Variants in RBFOX1 observed in about 807,000 individuals in gnomAD.
The protein encoded by RBFOX1 is RNA binding fox-1 homolog 1, also known as RNA binding protein fox-1 homolog 1.
RBFOX1 carries 8 observed loss-of-function variants against 57.7 expected under a neutral mutation model. That is an observed-to-expected ratio of 0.14 (90% CI 0.08 to 0.25). RBFOX1 has a LOEUF of 0.25. Among genes scored for constraint, RBFOX1 ranks in the 10% least tolerant of loss-of-function variants. The probability of loss-of-function intolerance (pLI) is 1.00; values close to 1 mark genes in which losing one functional copy is unlikely to be tolerated. For missense variants in RBFOX1, 611 were observed against 548.5 expected (o/e 1.11, Z -1.14); for synonymous variants, 326 against 222.4 (o/e 1.47, Z -4.15).
chr16:7,705,536 G>T (rs2082161400), intron 14 of RBFOX1, among the ~76,000 whole-genome samples: 1 of 152,114 alleles, frequency 6.6e-6, no homozygotes, highest in African/African-American at 2.4e-5. Flanking sequence ...AATCCTATGT[G>T]CCTGGAGCAC....
intron 3 of RBFOX1, among the ~76,000 whole-genome samples, chr16:6,846,560 C>G (rs529807904): frequency 6.6e-6 from 1 of 152,318 alleles, no homozygotes; most frequent in South Asian, 2.1e-4. Flanking sequence ...GTTCGGGGAG[C>G]TGCTGCAATG....
chr16:6,527,689 C>G (rs1450613838), intron 2 of RBFOX1, among the ~76,000 whole-genome samples: 1 of 147,652 alleles, frequency 6.8e-6, no homozygotes, highest in African/African-American at 2.7e-5. Flanking sequence ...GACTGGAGAG[C>G]CTGTGGTTTA....
At chr16:7,202,704 C>A (rs9929118) in intron 4 of RBFOX1, among the ~76,000 whole-genome samples, 110 of 152,064 alleles carry the variant, frequency 7.2e-4, no homozygotes, top group Middle Eastern at 3.4e-3. Flanking sequence ...TTTGTGAACT[C>A]TGCATGTGAG....
At chr16:6,481,958 C>A (rs1327857747) in intron 2 of RBFOX1, among the ~76,000 whole-genome samples, 1 of 151,910 alleles carries the variant, frequency 6.6e-6, no homozygotes, top group Admixed American at 6.6e-5. Context: ...CCTGGTATGA[C>A]AAAGATGGAT....
intron 4 of RBFOX1, among the ~76,000 whole-genome samples, chr16:7,426,724 C>CAG (rs2098618743): frequency 2.0e-5 from 3 of 152,134 alleles, no homozygotes; most frequent in African/African-American, 7.2e-5. Context: ...CCTGAGAATA[C>CAG]CAACAGCAGT....
At chr16:7,151,986 C>T (rs1418130570) in intron 4 of RBFOX1, among the ~76,000 whole-genome samples, 1 of 152,140 alleles carries the variant, frequency 6.6e-6, no homozygotes, top group Non-Finnish European at 1.5e-5. Flanking sequence ...TGCTGTGTGG[C>T]CTGGTTTCTA....
intron 3 of RBFOX1, among the ~76,000 whole-genome samples, chr16:6,804,316 C>G (rs28499537): frequency 0.044 from 6,689 of 152,054 alleles, 359 homozygotes; most frequent in African/African-American, 0.12. Flanking sequence ...CCAATACATA[C>G]AAATTTTAAC....
At chr16:5,809,923 C>T (rs1447771404) in intron 3 of RBFOX1, among the ~76,000 whole-genome samples, 1 of 152,074 alleles carries the variant, frequency 6.6e-6, no homozygotes, top group Non-Finnish European at 1.5e-5. Context: ...TTGGAACCAA[C>T]CCAAATGTCC....
rs561232089 is a variant in RBFOX1 at position 6,316,370 on chromosome 16, T to C, written c.-126-625T>C. Among the ~76,000 whole-genome samples, 14 of 152,334 alleles carry C rather than the reference T, an allele frequency of 9.2e-5. No homozygotes were observed. The South Asian group carries it at 2.3e-3, about 25-fold the overall frequency. On this transcript the variant is annotated intron_variant, in intron 1 of 15. Coordinates refer to ENST00000550418, the MANE Select transcript of RBFOX1 (RefSeq NM_018723.4). The stretch of plus-strand genomic sequence containing the variant: ...CTCACTCCCTGTGATTGGGTGATGA[T>C]AGCCATATTTATGAAATTTATTACT...
chr16:6,940,519 C>A (rs183217798), intron 3 of RBFOX1, among the ~76,000 whole-genome samples: 2 of 152,250 alleles, frequency 1.3e-5, no homozygotes, highest in African/African-American at 4.8e-5. Flanking sequence ...ATTCTCTATA[C>A]TTTGAATGAA....
intron 1 of RBFOX1, among the ~76,000 whole-genome samples, chr16:6,136,979 A>T (rs979610155): frequency 9.2e-5 from 14 of 152,136 alleles, no homozygotes; most frequent in Non-Finnish European, 1.9e-4. Flanking sequence ...GCCTTTTTTA[A>T]TTGAGTTGTT....
intron 3 of RBFOX1, among the ~76,000 whole-genome samples, chr16:5,862,205 A>T (rs1470103761): frequency 6.6e-6 from 1 of 152,220 alleles, no homozygotes; most frequent in Non-Finnish European, 1.5e-5. Flanking sequence ...CATGTGAATG[A>T]CTAGCAACAG....
chr16:6,827,092 C>T lies in RBFOX1; in HGVS notation c.-16+172442C>T, dbSNP rs537418190. ...TGAAGATTTCTTTGCACATACTTAC[C>T]GAGTCTCTTAGTGTCCTTTAATCTA... On this transcript the variant is annotated intron_variant, in intron 3 of 15. Coordinates refer to ENST00000550418, the MANE Select transcript of RBFOX1 (RefSeq NM_018723.4). Among the ~76,000 whole-genome samples, 8 of 152,192 alleles carry T rather than the reference C, an allele frequency of 5.3e-5. No individual in the cohort carries two copies. The East Asian group carries it at 1.2e-3, about 22-fold the overall frequency.
intron 2 of RBFOX1, chr16:6,483,354 C>T (rs2095405562): frequency 4.7e-6 from 7 of 1,492,454 alleles, no homozygotes; most frequent in Admixed American, 2.0e-5. Context: ...GCCAGGCAGC[C>T]CGGGCGAGCG....
chr16:6,479,720 T>A (rs2095341078), intron 2 of RBFOX1, among the ~76,000 whole-genome samples: 1 of 151,926 alleles, frequency 6.6e-6, no homozygotes, highest in South Asian at 2.1e-4. Context: ...CCTTGACACA[T>A]GGGAATTATG....
intron 1 of RBFOX1, among the ~76,000 whole-genome samples, chr16:6,307,970 T>G (rs1298223413): frequency 6.7e-6 from 1 of 148,810 alleles, no homozygotes; most frequent in Non-Finnish European, 1.5e-5. Flanking sequence ...TTATAAACTG[T>G]AATCATTTAT....
intron 3 of RBFOX1, among the ~76,000 whole-genome samples, chr16:6,741,981 A>T (rs2072304936): frequency 6.6e-6 from 1 of 152,160 alleles, no homozygotes; most frequent in African/African-American, 2.4e-5. Flanking sequence ...AACAGAGTAG[A>T]TTTCAAATGT....
At chr16:7,462,606 C>T (rs1356326995) in intron 4 of RBFOX1, among the ~76,000 whole-genome samples, 10 of 152,328 alleles carry the variant, frequency 6.6e-5, no homozygotes, top group South Asian at 2.1e-4. Flanking sequence ...ATTCACAAGA[C>T]GGAAAGGCAG....
At chr16:5,783,313 C>T (rs112885671) in intron 3 of RBFOX1, among the ~76,000 whole-genome samples, 11 of 152,240 alleles carry the variant, frequency 7.2e-5, no homozygotes, top group Admixed American at 2.0e-4. Context: ...ACTATCTTTT[C>T]GCTGCTTAGC....
Sources: allele counts gnomAD v4.1 joint callset (sites outside exome capture counted in the v4.1 genomes callset), GRCh38; gene constraint gnomAD v4.1.1; transcripts MANE v1.5; gene names NCBI Gene and HGNC (gene_info 2026-07-23, HGNC 2026-07-21).